NAV3: variants seen among roughly 807,000 people sequenced by gnomAD.
The protein encoded by NAV3 is neuron navigator 3.
Under a neutral mutation model 244.7 loss-of-function variants are expected in NAV3, and 87 were observed. The ratio of observed to expected loss-of-function variants is 0.36; its 90% CI spans 0.30 to 0.42. NAV3 has a LOEUF of 0.42. Ranked by LOEUF, NAV3 falls within the 20% of genes least tolerant of loss-of-function variation. NAV3 has a pLI of 1.00. For synonymous variants in NAV3, 1,126 were observed against 1,042.2 expected (o/e 1.08, Z -1.55); for missense variants, 2,663 against 2,893.3 (o/e 0.92, Z 1.83).
intron 1 of NAV3, among the ~76,000 whole-genome samples, chr12:77,905,391 A>G (rs995317896): frequency 7.2e-5 from 11 of 152,066 alleles, no homozygotes; most frequent in African/African-American, 2.7e-4. Context: ...ACTTCTCTTT[A>G]TAGGGAAAAA....
intron 2 of NAV3, among the ~76,000 whole-genome samples, chr12:77,765,606 C>A (rs1869707930): frequency 6.6e-6 from 1 of 152,134 alleles, no homozygotes. Context: ...TGAACAAAGA[C>A]ATGCAGTCCT....
At chr12:77,704,581 G>T (rs1166803385) in intron 2 of NAV3, among the ~76,000 whole-genome samples, 1 of 152,004 alleles carries the variant, frequency 6.6e-6, no homozygotes, top group Non-Finnish European at 1.5e-5. Context: ...TGGTGAAAAT[G>T]TTCCTATTAA....
intron 2 of NAV3, among the ~76,000 whole-genome samples, chr12:77,786,806 C>A (rs1259597371): frequency 6.6e-6 from 1 of 152,034 alleles, no homozygotes; most frequent in Non-Finnish European, 1.5e-5. Context: ...GTCCCACCAC[C>A]ATGAGAATTA....
intron 2 of NAV3, among the ~76,000 whole-genome samples, chr12:77,813,983 T>C (rs1872419841): frequency 6.6e-6 from 1 of 152,158 alleles, no homozygotes; most frequent in Admixed American, 6.5e-5. Context: ...TGTCCCCATG[T>C]CATCATTAGT....
intron 2 of NAV3, among the ~76,000 whole-genome samples, chr12:77,772,147 G>A (rs920191051): frequency 2.0e-5 from 3 of 152,238 alleles, no homozygotes; most frequent in Admixed American, 6.5e-5. Context: ...CTGGGGCTTA[G>A]AAGGGTTGTG....
intron 38 of NAV3, among the ~76,000 whole-genome samples, chr12:78,202,724 G>A (rs1217050176): frequency 3.9e-5 from 6 of 152,052 alleles, no homozygotes; most frequent in African/African-American, 1.4e-4. Flanking sequence ...TGGGGGAGGG[G>A]AATCCAGCAC....
chr12:78,010,463 C>T (rs1219713343), intron 8 of NAV3, among the ~76,000 whole-genome samples: 3 of 152,110 alleles, frequency 2.0e-5, no homozygotes, highest in African/African-American at 4.8e-5. Context: ...CTCATTTAAA[C>T]TTCATCATGA....
intron 8 of NAV3, among the ~76,000 whole-genome samples, chr12:78,015,039 C>T (rs1334619820): frequency 6.6e-6 from 1 of 152,088 alleles, no homozygotes; most frequent in Non-Finnish European, 1.5e-5. Flanking sequence ...GTGTAGAATA[C>T]TACCACGAGT....
At chr12:77,841,742 T>A (rs1875690477) in intron 1 of NAV3, among the ~76,000 whole-genome samples, 1 of 152,184 alleles carries the variant, frequency 6.6e-6, no homozygotes, top group Non-Finnish European at 1.5e-5. Context: ...TGGCCATTTA[T>A]AGAAAATGGT....
At chr12:77,974,432 C>T (rs767429793) in intron 5 of NAV3, among the ~76,000 whole-genome samples, 1 of 151,664 alleles carries the variant, frequency 6.6e-6, no homozygotes, top group African/African-American at 2.4e-5. Flanking sequence ...CAGGTGCCCA[C>T]CACCACGGCC....
chr12:78,193,682 A>G (rs1959078930), intron 34 of NAV3, among the ~76,000 whole-genome samples: 1 of 152,114 alleles, frequency 6.6e-6, no homozygotes, highest in Non-Finnish European at 1.5e-5. Flanking sequence ...TTTCAAGGGA[A>G]TCTGTGAAAA....
At chr12:77,891,056 C>A (rs1053844410) in intron 1 of NAV3, among the ~76,000 whole-genome samples, 3 of 151,558 alleles carry the variant, frequency 2.0e-5, no homozygotes, top group African/African-American at 7.3e-5. Context: ...AATAGGACTC[C>A]CTGTTAATTT....
chr12:77,865,917 CT>C (rs139151523), intron 1 of NAV3, among the ~76,000 whole-genome samples: 42,633 of 151,560 alleles, frequency 0.28, 6,203 homozygotes, highest in Admixed American at 0.35. Flanking sequence ...AATCAACATA[CT>C]TTTAAAAAAA....
intron 2 of NAV3, among the ~76,000 whole-genome samples, chr12:77,594,634 G>GA (rs1036580285): frequency 6.6e-6 from 1 of 152,146 alleles, no homozygotes; most frequent in Non-Finnish European, 1.5e-5. Context: ...AAAAGAAAAT[G>GA]AAAAAGAGAT....
chr12:77,615,828 A>G lies in NAV3; in HGVS notation c.72+43562A>G, dbSNP rs868390392. 5.9e-5 allele frequency among the ~76,000 whole-genome samples: 9 copies of G among 152,108 alleles called. No individual in the cohort carries two copies. In the South Asian group the frequency reaches 1.0e-3, roughly 18 times the overall value. Reference sequence around the variant, plus strand: ...GACAAATTTAATTTTTTCTTCTCCAATTGGTATAGTTCCCTCTCTCTGCTG... The same window carrying G: ...GACAAATTTAATTTTTTCTTCTCCAGTTGGTATAGTTCCCTCTCTCTGCTG... On this transcript the variant is annotated intron_variant, in intron 2 of 8. Transcript: ENST00000550042.
chr12:77,783,131 G>C (rs1380287224), intron 2 of NAV3: 1 of 151,348 alleles, frequency 6.6e-6, no homozygotes, highest in African/African-American at 2.4e-5. Flanking sequence ...GTAGTATTAA[G>C]AAAGCCATTT....
At chr12:77,931,440 C>G (rs1447575882) in intron 1 of NAV3, among the ~76,000 whole-genome samples, 2 of 152,100 alleles carry the variant, frequency 1.3e-5, no homozygotes, top group Non-Finnish European at 2.9e-5. Flanking sequence ...TTCTCTTATG[C>G]TTCAGCTTTG....
chr12:77,900,996 T>G (rs971819442), intron 1 of NAV3, among the ~76,000 whole-genome samples: 4 of 152,204 alleles, frequency 2.6e-5, no homozygotes, highest in Non-Finnish European at 5.9e-5. Flanking sequence ...AGGTGGAACA[T>G]TTTTTCATGT....
intron 22 of NAV3, among the ~76,000 whole-genome samples, chr12:78,151,743 A>G (rs1378118776): frequency 6.6e-6 from 1 of 151,728 alleles, no homozygotes; most frequent in African/African-American, 2.4e-5. Flanking sequence ...ATGTAAATCA[A>G]TATTGTATTC....
Sources: allele counts gnomAD v4.1 joint callset (sites outside exome capture counted in the v4.1 genomes callset), GRCh38; gene constraint gnomAD v4.1.1; transcripts MANE v1.5; gene names NCBI Gene and HGNC (gene_info 2026-07-23, HGNC 2026-07-21).